The following LPIN1 variants were observed in gnomAD, a reference collection of about 807,000 sequenced individuals.
The protein encoded by LPIN1 is phosphatidate phosphatase LPIN1.
A neutral mutation model predicts 107.5 loss-of-function variants in LPIN1; 71 were observed. That is an observed-to-expected ratio of 0.66 (90% confidence interval 0.55 to 0.80). The LOEUF (loss-of-function observed/expected upper bound fraction) is 0.80, where lower values mean the gene tolerates loss of function less well. Ranked by LOEUF, LPIN1 falls within the 30% of genes least tolerant of loss-of-function variation. The probability of loss-of-function intolerance (pLI) is 0.00; values close to 1 mark genes in which losing one functional copy is unlikely to be tolerated. For missense variants in LPIN1, 1,043 were observed against 1,160.6 expected (o/e 0.90, Z 1.47); for synonymous variants, 445 against 452.6 (o/e 0.98, Z 0.21).
chr2:11,723,339 T>C (rs1173144060), upstream of LPIN1, among the ~76,000 whole-genome samples: 3 of 152,174 alleles, frequency 2.0e-5, no homozygotes, highest in African/African-American at 7.2e-5. Flanking sequence ...GAAAACCCCC[T>C]TGAATCCTAA....
chr2:11,825,821 A>ATAGGCATT lies in LPIN1; in HGVS notation c.*1033_*1040dup, dbSNP rs1358425800. 2.6e-5 allele frequency: 4 copies of ATAGGCATT among 152,252 alleles called. No individual in the cohort carries two copies. The highest frequency in any genetic ancestry group is 5.9e-5 in the Non-Finnish European group (4 of 68,046). The allele number at this position is 152,252 out of a possible 1,614,324, so 9.4% of individuals were successfully genotyped here. A position where few individuals can be genotyped will look rare whatever the true frequency, so the allele number is the denominator to read the frequency against. ...GTTTTACTCTGATTAGGTTACTGTG[A>ATAGGCATT]TAGGCATTTATTCATATTCTTTCTA... On this transcript the variant is annotated 3_prime_UTR_variant, in exon 21 of 21. Transcript: ENST00000674199. The surrounding 1 kb of genome is among the most constrained non-coding windows in gnomAD (Gnocchi z 4.1).
At chr2:11,800,202 A>ACTCTGGG (rs1677454333) in intron 14 of LPIN1, among the ~76,000 whole-genome samples, 1 of 151,938 alleles carries the variant, frequency 6.6e-6, no homozygotes, top group Non-Finnish European at 1.5e-5. Context: ...GGTTGAATGA[A>ACTCTGGG]CTCTGGGCCA....
chr2:11,802,865 G>A (rs1309588544), intron 14 of LPIN1, 42 bp from the exon 15 acceptor site: 1 of 1,609,514 alleles, frequency 6.2e-7, no homozygotes, highest in Non-Finnish European at 8.5e-7. Flanking sequence ...TGGCTACCCA[G>A]ATGCATTTTC....
chr2:11,788,431 A>G lies in LPIN1; in HGVS notation c.1688A>G (p.Gln563Arg). 6.2e-7 allele frequency: 1 copy of G among 1,613,968 alleles called. No individual in the cohort carries two copies. The highest frequency in any genetic ancestry group is 8.5e-7 in the Non-Finnish European group (1 of 1,179,814). ...GCAGCACCCCTCCTCCTGGCAATGC[A>G]GGCCTTCCAGAAACCTTTGCCAAAG... ...TTAAPLLLAM[Q>R]AFQKPLPKAT... The change falls in exon 12 of 21, where the codon CAG (glutamine) becomes CGG (arginine). Residue 563 changes from glutamine (Q) to arginine (R), a missense_variant. Physicochemically the swap from Gln to Arg is conservative, Grantham distance 43 (BLOSUM62 1). Transcript: ENST00000674199.
chr2:11,800,087 T>C (rs1386187252), intron 14 of LPIN1, among the ~76,000 whole-genome samples: 2 of 152,228 alleles, frequency 1.3e-5, no homozygotes, highest in Non-Finnish European at 2.9e-5. Context: ...TAAATCTTTG[T>C]CTTCAGCCCA....
intron 8 of LPIN1, among the ~76,000 whole-genome samples, chr2:11,783,252 C>T (rs1020392697): frequency 2.6e-5 from 4 of 152,142 alleles, no homozygotes; most frequent in Admixed American, 6.5e-5. Context: ...TGCTTTGCCT[C>T]GGGGTATTGA....
intron 18 of LPIN1, 82 bp downstream of exon 18, chr2:11,815,322 GC>G: frequency 1.3e-6 from 2 of 1,509,772 alleles, no homozygotes; most frequent in Non-Finnish European, 1.8e-6. Flanking sequence ...TGTAAGAATA[GC>G]CTCCTCACTG....
chr2:11,795,895 A>G (rs1347621059), intron 14 of LPIN1, among the ~76,000 whole-genome samples: 1 of 152,218 alleles, frequency 6.6e-6, no homozygotes, highest in Non-Finnish European at 1.5e-5. Context: ...TCTGTAATTT[A>G]AATACTGACC....
intron 2 of LPIN1, chr2:11,713,892 G>C (rs1457879662): frequency 9.6e-7 from 1 of 1,037,896 alleles, no homozygotes; most frequent in African/African-American, 1.6e-5. Context: ...TCCAGCTGTG[G>C]TTTGTCGCCA....
At chr2:11,778,199 G>A (rs1007305942) in intron 6 of LPIN1, among the ~76,000 whole-genome samples, 2 of 152,184 alleles carry the variant, frequency 1.3e-5, no homozygotes, top group African/African-American at 4.8e-5. Flanking sequence ...TGTGTCTGTT[G>A]GGAGCAGGGT....
intron 1 of LPIN1, among the ~76,000 whole-genome samples, chr2:11,699,438 T>TG (rs1054649386): frequency 5.0e-4 from 76 of 151,120 alleles, no homozygotes; most frequent in African/African-American, 1.2e-3. Context: ...ATGGAGTCCC[T>TG]GGGGGGGGCG....
intron 2 of LPIN1, among the ~76,000 whole-genome samples, chr2:11,718,286 G>T (rs990977817): frequency 6.6e-6 from 1 of 152,148 alleles, no homozygotes; most frequent in Non-Finnish European, 1.5e-5. Flanking sequence ...GGAGTGCAGT[G>T]GAGCGATCTC....
Position 11,800,002 on chromosome 2 carries a change from C to T in LPIN1, c.1887-2905C>T, listed in dbSNP as rs114448631. 6.2e-3 allele frequency among the ~76,000 whole-genome samples: 948 copies of T among 152,270 alleles called. 6 individuals carry two copies. The highest frequency in any genetic ancestry group is 8.4e-3 in the Non-Finnish European group (571 of 68,018). ...GCCACAGACCAACCACAGTTCTAGC[C>T]GATGCTCTGTTTTCCTTCAACTCAG... On this transcript the variant is annotated intron_variant, in intron 14 of 20. Transcript: ENST00000674199.
At chr2:11,732,920 T>C (rs2148548027) in intron 1 of LPIN1, among the ~76,000 whole-genome samples, 1 of 152,034 alleles carries the variant, frequency 6.6e-6, no homozygotes, top group South Asian at 2.1e-4. Context: ...TCTGTGTGTG[T>C]GTGTGTGTGT....
chr2:11,689,038 G>C (rs954693414), intron 1 of LPIN1, among the ~76,000 whole-genome samples: 2 of 152,190 alleles, frequency 1.3e-5, no homozygotes, highest in African/African-American at 4.8e-5. Flanking sequence ...CTTGTATAAT[G>C]GTATTTTGCA....
chr2:11,815,590 A>G (rs1680441299), intron 18 of LPIN1, among the ~76,000 whole-genome samples: 4 of 150,456 alleles, frequency 2.7e-5, no homozygotes, highest in Admixed American at 2.0e-4. Flanking sequence ...TTTTTGGGTC[A>G]CTCTCCTGCT....
chr2:11,787,810 G>A (rs952212932), intron 11 of LPIN1, among the ~76,000 whole-genome samples: 1 of 151,872 alleles, frequency 6.6e-6, no homozygotes, highest in Non-Finnish European at 1.5e-5. Context: ...GCGCGGTGGC[G>A]GGCGCCTGTA....
chr2:11,683,100 T>G (rs1661810900), intron 1 of LPIN1: 1 of 152,288 alleles, frequency 6.6e-6, no homozygotes, highest in Non-Finnish European at 1.5e-5. Context: ...CAAGGTCCCT[T>G]CCCTGAGAGA....
rs1372423134 is a variant in LPIN1, at chr2:11,815,144, C to T, written c.2306C>T (p.Thr769Met). ...SARAIGMADM[T>M]RGYLHWVNER... ...CGTGCCATCGGGATGGCGGACATGACGCGGGGCTACCTGCACTGGGTCAAC... is the reference window on the plus strand; with the variant it reads ...CGTGCCATCGGGATGGCGGACATGATGCGGGGCTACCTGCACTGGGTCAAC... The change falls in exon 18 of 21, where the codon ACG (threonine) becomes ATG (methionine). Residue 769 changes from threonine to methionine, a missense_variant. Transcript: ENST00000674199. The T allele has an allele frequency of 3.7e-6, 6 of 1,614,060 alleles. No homozygotes were observed. Among genetic ancestry groups the T allele is most frequent in the African/African-American group, 1.3e-5 (1 of 74,922 alleles).
Sources: allele counts gnomAD v4.1 joint callset (sites outside exome capture counted in the v4.1 genomes callset), GRCh38; gene constraint gnomAD v4.1.1; non-coding constraint Gnocchi (gnomAD v3.1); transcripts MANE v1.5; gene names NCBI Gene and HGNC (gene_info 2026-07-23, HGNC 2026-07-21).